The following CDH12 variants were observed in gnomAD, a reference collection of about 807,000 sequenced individuals.
CDH12 encodes the protein cadherin 12.
A neutral mutation model predicts 74.1 loss-of-function variants in CDH12; 41 were observed. That is an observed-to-expected ratio of 0.55 (90% CI 0.43 to 0.72). The LOEUF is 0.72. CDH12 is among the 30% of genes least tolerant of loss of function. The pLI is 0.00. For synonymous variants in CDH12, 399 were observed against 355.0 expected, an observed-to-expected ratio of 1.12 and a Z score of -1.39; for missense variants, 945 against 977.2, an observed-to-expected ratio of 0.97 and a Z score of 0.44.
At chr5:22,743,293 T>C (rs1745128307) in intron 1 of CDH12, among the ~76,000 whole-genome samples, 1 of 148,014 alleles carries the variant, frequency 6.8e-6, no homozygotes, top group Admixed American at 6.8e-5. Flanking sequence ...TATATATATG[T>C]ATATGTATAT....
intron 1 of CDH12, among the ~76,000 whole-genome samples, chr5:22,772,282 G>A (rs1181251843): frequency 1.3e-5 from 2 of 151,942 alleles, no homozygotes; most frequent in African/African-American, 4.8e-5. Flanking sequence ...CATGAGTCAC[G>A]TGTACTCGAG....
chr5:21,942,949 ATG>A (rs1755405193), intron 6 of CDH12, among the ~76,000 whole-genome samples: 1 of 152,140 alleles, frequency 6.6e-6, no homozygotes, highest in Non-Finnish European at 1.5e-5. Context: ...CATAATGCCC[ATG>A]TGTTGAGGGG....
chr5:22,034,732 G>A (rs924357281), intron 5 of CDH12, among the ~76,000 whole-genome samples: 4 of 152,038 alleles, frequency 2.6e-5, no homozygotes, highest in African/African-American at 9.7e-5. Flanking sequence ...TCTTCCAGGT[G>A]AAAAAAATTC....
rs558392629 is a variant in CDH12 at position 22,287,583 on chromosome 5, C to T, written c.-332-74940G>A. 1.8e-3 allele frequency among the ~76,000 whole-genome samples: 268 copies of T among 151,720 alleles called. 2 individuals carry two copies. The highest frequency in any genetic ancestry group is 6.1e-3 in the African/African-American group (251 of 41,426). ...ACTAAAAATACAAAAAATTAGCCGG[C>T]GCGGTGGCGGGCGCCTGTAGTCCCA... On this transcript the variant is annotated intron_variant, in intron 3 of 14. Transcript: ENST00000382254.
At chr5:22,245,545 C>T (rs975229826) in intron 3 of CDH12, among the ~76,000 whole-genome samples, 5 of 151,850 alleles carry the variant, frequency 3.3e-5, no homozygotes, top group African/African-American at 9.7e-5. Context: ...AATGATAGGG[C>T]ACAGTTTGTA....
intron 5 of CDH12, among the ~76,000 whole-genome samples, chr5:22,046,430 CTTTTTTTTTTTTT>C (rs11323330): frequency 1.0e-5 from 1 of 100,420 alleles, no homozygotes; most frequent in African/African-American, 4.3e-5. Context: ...CATTTAATTT[CTTTTTTTTTTTTT>C]TTTTTTTTTG....
intron 2 of CDH12, among the ~76,000 whole-genome samples, chr5:22,408,558 C>A (rs1239430833): frequency 1.3e-5 from 2 of 150,576 alleles, no homozygotes; most frequent in Admixed American, 1.3e-4. Context: ...GATATTATAT[C>A]ATCTATTTAT....
At chr5:21,954,092 G>A (rs116399727) in intron 6 of CDH12, among the ~76,000 whole-genome samples, 2,398 of 152,056 alleles carry the variant, frequency 0.016, 63 homozygotes, top group African/African-American at 0.054. Context: ...GATTTAATCA[G>A]AATATATAAT....
At chr5:21,986,947 C>T (rs1350417196) in intron 5 of CDH12, among the ~76,000 whole-genome samples, 1 of 151,992 alleles carries the variant, frequency 6.6e-6, no homozygotes, top group East Asian at 1.9e-4. Flanking sequence ...TAACTGAGTT[C>T]AAATAGTCCC....
intron 6 of CDH12, among the ~76,000 whole-genome samples, chr5:21,949,309 GC>G: frequency 6.6e-6 from 1 of 151,900 alleles, no homozygotes; most frequent in East Asian, 1.9e-4. Flanking sequence ...AATTAGCCAG[GC>G]CTGGTGGGGG....
intron 1 of CDH12, among the ~76,000 whole-genome samples, chr5:22,655,319 G>A (rs1580856167): frequency 6.6e-6 from 1 of 152,192 alleles, no homozygotes; most frequent in Non-Finnish European, 1.5e-5. Context: ...ATTCTAAAAG[G>A]CAATGCAGAT....
chr5:22,393,222 T>C (rs572379528), intron 3 of CDH12, among the ~76,000 whole-genome samples: 19 of 152,080 alleles, frequency 1.2e-4, no homozygotes, highest in African/African-American at 3.1e-4. Flanking sequence ...AATAAGAGAA[T>C]ACACAAAGGA....
chr5:21,842,096 T>C, intron 8 of CDH12, 65 bp downstream of exon 8: 1 of 1,235,470 alleles, frequency 8.1e-7, no homozygotes, highest in South Asian at 1.5e-5. Flanking sequence ...TCCCATAGCA[T>C]TCAATGACAC....
intron 6 of CDH12, among the ~76,000 whole-genome samples, chr5:21,952,223 TG>T (rs1755895882): frequency 6.6e-6 from 1 of 152,118 alleles, no homozygotes; most frequent in Non-Finnish European, 1.5e-5. Context: ...CCCTGGGACC[TG>T]AAGTAGGGAG....
rs146229481 is a variant in CDH12 at position 22,090,627 on chromosome 5, A to C, written c.-186-11765T>G. On this transcript the variant is annotated intron_variant, in intron 4 of 14. Coordinates refer to ENST00000382254, the MANE Select transcript of CDH12 (RefSeq NM_004061.5). ...TACATACACACACACACACACACAC[A>C]CCCTCCTGAATACCAATATCCCTTA... is the stretch of plus-strand genomic sequence containing the variant. 9.9e-5 allele frequency among the ~76,000 whole-genome samples: 15 copies of C among 151,102 alleles called. No individual in the cohort carries two copies. In the East Asian group the frequency reaches 2.5e-3, roughly 26 times the overall value.
intron 1 of CDH12, among the ~76,000 whole-genome samples, chr5:22,572,011 C>T (rs755775080): frequency 5.9e-5 from 9 of 151,940 alleles, no homozygotes; most frequent in African/African-American, 1.7e-4. Context: ...GGAAAAATGG[C>T]GCTGACAGAC....
At chr5:22,005,653 T>C (rs1235167312) in intron 5 of CDH12, among the ~76,000 whole-genome samples, 1 of 152,124 alleles carries the variant, frequency 6.6e-6, no homozygotes, top group Non-Finnish European at 1.5e-5. Context: ...ATTGTTTCTT[T>C]ATCATTCTAC....
chr5:21,913,325 A>C (rs974718913), intron 6 of CDH12, among the ~76,000 whole-genome samples: 10 of 152,188 alleles, frequency 6.6e-5, no homozygotes, highest in African/African-American at 2.4e-4. Context: ...CCATTACAAT[A>C]ATCATCACAA....
chr5:22,221,640 T>G (rs1752018028), intron 3 of CDH12, among the ~76,000 whole-genome samples: 1 of 151,834 alleles, frequency 6.6e-6, no homozygotes, highest in Non-Finnish European at 1.5e-5. Context: ...TATTGCAGAA[T>G]TCACAAGGAG....
Sources: gnomAD v4.1 joint callset for allele counts (sites outside exome capture counted in the v4.1 genomes callset) on GRCh38, gnomAD v4.1.1 for gene constraint, MANE v1.5 for transcripts, NCBI Gene and HGNC (gene_info 2026-07-23, HGNC 2026-07-21) for gene names.